The following PARD3 variants were observed in gnomAD, a reference collection of about 807,000 sequenced individuals.
The protein encoded by PARD3 is par-3 family cell polarity regulator.
In PARD3, 75 loss-of-function variants were observed where a neutral mutation model predicts 155.4. That is an observed-to-expected ratio of 0.48 (90% CI 0.40 to 0.58). The LOEUF is 0.58. Ranked by LOEUF, PARD3 falls within the 20% of genes least tolerant of loss-of-function variation. The probability of loss-of-function intolerance (pLI) is 0.00; values close to 1 mark genes in which losing one functional copy is unlikely to be tolerated. For missense variants in PARD3, 1,642 were observed against 1,721.7 expected (o/e 0.95, Z 0.82); for synonymous variants, 576 against 610.5 (o/e 0.94, Z 0.83).
At chr10:34,371,504 AAAAAAAAAAAAAAAAAAAAAAAAAAAAAC>A (rs1564637782) in intron 12 of PARD3, among the ~76,000 whole-genome samples, 12 of 82,994 alleles carry the variant, frequency 1.4e-4, no homozygotes, top group South Asian at 1.0e-3. Context: ...AAAAAAAAAA[AAAAAAAAAAAAAAAAAAAAAAAAAAAAAC>A]AACGAAGGAA....
Position 34,359,269 on chromosome 10 carries a change from A to C in PARD3, c.1945T>G (p.Ser649Ala). ...TCTTGGTTTGTCTTGCCCAACAGGG[A>C]TTCTCCATTTACTGCTATCAGTTGA... is the stretch of plus-strand genomic sequence containing the variant. ...NDQLIAVNGE[S>A]LLGKTNQDAM... The change falls in exon 14 of 25, where the codon TCC becomes GCC. Residue 649 changes from serine (S) to alanine (A), a missense_variant. Physicochemically the swap from Ser to Ala is moderately conservative, Grantham distance 99. Transcript: ENST00000374788. 2 of 1,613,960 alleles carry C rather than the reference A, an allele frequency of 1.2e-6. No individual in the cohort carries two copies. The highest frequency in any genetic ancestry group is 8.5e-7 in the Non-Finnish European group (1 of 1,179,904).
chr10:34,244,426 G>T (rs1953808617), intron 22 of PARD3, among the ~76,000 whole-genome samples: 1 of 152,164 alleles, frequency 6.6e-6, no homozygotes, highest in Non-Finnish European at 1.5e-5. Flanking sequence ...AGATACTGAA[G>T]GGCCTCAAAA....
intron 15 of PARD3, among the ~76,000 whole-genome samples, chr10:34,342,532 A>T (rs962186192): frequency 1.3e-5 from 2 of 152,232 alleles, no homozygotes; most frequent in African/African-American, 4.8e-5. Flanking sequence ...TGATGCAGTC[A>T]GGTGAAACTT....
chr10:34,218,477 G>A (rs776437078), intron 22 of PARD3, among the ~76,000 whole-genome samples: 9 of 151,980 alleles, frequency 5.9e-5, no homozygotes, highest in Non-Finnish European at 1.3e-4. Flanking sequence ...TAACCACTCC[G>A]TCCCCACCCA....
intron 22 of PARD3, among the ~76,000 whole-genome samples, chr10:34,165,089 A>G (rs964152478): frequency 4.7e-5 from 6 of 128,392 alleles, no homozygotes; most frequent in African/African-American, 1.1e-4. Flanking sequence ...GATACAGACT[A>G]AAAAAAAAAG....
intron 19 of PARD3, among the ~76,000 whole-genome samples, chr10:34,325,958 T>C (rs1007520257): frequency 2.0e-5 from 3 of 151,840 alleles, no homozygotes; most frequent in African/African-American, 7.3e-5. Flanking sequence ...CCGTCTCTAC[T>C]AAAAATACAA....
intron 1 of PARD3, among the ~76,000 whole-genome samples, chr10:34,752,032 T>A (rs115028338): frequency 7.6e-4 from 116 of 152,286 alleles, no homozygotes; most frequent in African/African-American, 2.6e-3. Context: ...AAGTTGGTTG[T>A]ACATCTAAGA....
At chr10:34,342,917 T>C (rs904351502) in intron 15 of PARD3, among the ~76,000 whole-genome samples, 1 of 152,140 alleles carries the variant, frequency 6.6e-6, no homozygotes, top group African/African-American at 2.4e-5. Flanking sequence ...AATGCACCCA[T>C]TTTGACAAAC....
At chr10:34,603,070 G>A (rs1234886021) in intron 2 of PARD3, among the ~76,000 whole-genome samples, 1 of 152,142 alleles carries the variant, frequency 6.6e-6, no homozygotes. Flanking sequence ...GAGCGATTAA[G>A]GGAAAGAAGA....
intron 22 of PARD3, among the ~76,000 whole-genome samples, chr10:34,263,560 G>A (rs1196799426): frequency 1.3e-5 from 2 of 152,228 alleles, no homozygotes; most frequent in Non-Finnish European, 2.9e-5. Context: ...TCAGGAAGCT[G>A]ATGTGGGAGG....
At chr10:34,237,734 T>C (rs1211426928) in intron 22 of PARD3, among the ~76,000 whole-genome samples, 5 of 152,218 alleles carry the variant, frequency 3.3e-5, no homozygotes, top group Non-Finnish European at 7.3e-5. Context: ...CATTACATTG[T>C]TAAAATAATA....
At position 34,696,370 on chromosome 10, in the gene PARD3, C is replaced by A. The variant is rs2094172658; in HGVS notation, c.170G>T (p.Gly57Val). The A allele has an allele frequency of 6.2e-7, 1 of 1,612,856 alleles. No homozygotes were observed. Among genetic ancestry groups the A allele is most frequent in the Admixed American group, 1.7e-5 (1 of 59,980 alleles). The change falls in exon 2 of 25, where the codon GGA (glycine) becomes GTA (valine). Residue 57 changes from glycine (G) to valine (V), a missense_variant. Gly to Val is a moderately radical substitution (Grantham distance 109). Coordinates refer to ENST00000374788, the MANE Select transcript of PARD3 (RefSeq NM_001184785.2). ...AAGAATGTCATCAAGGTCTAGTATT[C>A]CTCCATCTCCATGTTCCAAGCGATG... ...QVHRLEHGDGGILDLDDILCD... is the reference protein window; with the variant it reads ...QVHRLEHGDGVILDLDDILCD...
chr10:34,605,491 C>A (rs1222990962), intron 2 of PARD3, among the ~76,000 whole-genome samples: 1 of 135,774 alleles, frequency 7.4e-6, no homozygotes, highest in Admixed American at 7.6e-5. Context: ...CTGTGCCCTG[C>A]CAAAAATACT....
chr10:34,121,732 G>A (rs1947016189), intron 23 of PARD3, among the ~76,000 whole-genome samples: 2 of 152,166 alleles, frequency 1.3e-5, no homozygotes, highest in African/African-American at 4.8e-5. Flanking sequence ...CTTAGTTAGT[G>A]AGCATATTAA....
chr10:34,629,079 CAG>C (rs1177797240), intron 2 of PARD3, among the ~76,000 whole-genome samples: 11 of 152,278 alleles, frequency 7.2e-5, no homozygotes, highest in Middle Eastern at 3.4e-3. Flanking sequence ...TCTAATATTG[CAG>C]AGTTATGAGG....
chr10:34,381,793 A>G (rs1393410522), intron 9 of PARD3, among the ~76,000 whole-genome samples: 1 of 151,732 alleles, frequency 6.6e-6, no homozygotes, highest in African/African-American at 2.4e-5. Context: ...TGAGATGGGC[A>G]TGGCGGCATG....
rs78845185 is a variant in PARD3, at chr10:34,495,013, T to C, written c.403+21966A>G. Among the ~76,000 whole-genome samples the C allele has an allele frequency of 1.2e-3, 187 of 152,282 alleles. 1 individual carries two copies. Among genetic ancestry groups the C allele is most frequent in the Non-Finnish European group, 2.3e-3 (159 of 68,008 alleles). On this transcript the variant is annotated intron_variant, in intron 3 of 24. Transcript: ENST00000374788. ...TCTTCAAAACTTAGCACCATGACTG[T>C]GACCAATTTCCAGCCCCCCAACCCA...
At chr10:34,404,172 C>T (rs2132228020) in intron 5 of PARD3, among the ~76,000 whole-genome samples, 1 of 152,288 alleles carries the variant, frequency 6.6e-6, no homozygotes, top group Non-Finnish European at 1.5e-5. Context: ...GCTGCAGTTG[C>T]TGTGGAACCT....
At chr10:34,227,856 T>TTTTATATATATATATATATATATA (rs1554814033) in intron 22 of PARD3, among the ~76,000 whole-genome samples, 2 of 82,242 alleles carry the variant, frequency 2.4e-5, no homozygotes, top group Middle Eastern at 6.8e-3. Flanking sequence ...GAATTATTTT[T>TTTTATATATATATATATATATATA]TATATATATA....
Sources: allele counts gnomAD v4.1 joint callset (sites outside exome capture counted in the v4.1 genomes callset), GRCh38; gene constraint gnomAD v4.1.1; transcripts MANE v1.5; gene names NCBI Gene and HGNC (gene_info 2026-07-23, HGNC 2026-07-21).